Variants in SPOCK1 observed in about 807,000 individuals in gnomAD.
The protein encoded by SPOCK1 is SPARC (osteonectin), cwcv and kazal like domains proteoglycan 1, also known as testican-1.
A neutral mutation model predicts 55.3 loss-of-function variants in SPOCK1; 23 were observed. The ratio of observed to expected loss-of-function variants is 0.42; its 90% CI spans 0.30 to 0.59. The LOEUF (loss-of-function observed/expected upper bound fraction) is 0.59. Ranked by LOEUF, SPOCK1 falls within the 20% of genes least tolerant of loss-of-function variation. The pLI is 0.22. For synonymous variants in SPOCK1, 226 were observed against 221.0 expected (o/e 1.02, Z -0.20); for missense variants, 499 against 552.5 (o/e 0.90, Z 0.97).
chr5:137,258,736 G>A (rs1169594718), intron 3 of SPOCK1, among the ~76,000 whole-genome samples: 7 of 152,258 alleles, frequency 4.6e-5, no homozygotes, highest in East Asian at 3.9e-4. Flanking sequence ...TAATAAACAT[G>A]TCTTTAAAAT....
At chr5:137,426,693 T>C (rs1752618932) in intron 2 of SPOCK1, among the ~76,000 whole-genome samples, 1 of 152,174 alleles carries the variant, frequency 6.6e-6, no homozygotes, top group Non-Finnish European at 1.5e-5. Context: ...CTAAACATGA[T>C]GTAAGAACTC....
chr5:137,337,900 C>T (rs1051116451), intron 2 of SPOCK1, among the ~76,000 whole-genome samples: 2 of 152,152 alleles, frequency 1.3e-5, no homozygotes, highest in African/African-American at 2.4e-5. Flanking sequence ...GGCCACTAGA[C>T]CTGAATGAGT....
chr5:137,268,233 G>C (rs999399999), intron 2 of SPOCK1, among the ~76,000 whole-genome samples: 1 of 152,162 alleles, frequency 6.6e-6, no homozygotes, highest in Admixed American at 6.5e-5. Context: ...ACTAGCTTTA[G>C]AGTAAAATCA....
intron 3 of SPOCK1, among the ~76,000 whole-genome samples, chr5:137,150,081 A>G (rs1390594208): frequency 1.3e-5 from 2 of 152,186 alleles, no homozygotes; most frequent in Non-Finnish European, 2.9e-5. Context: ...ATGTCCACCA[A>G]GGGCAAGGGA....
intron 2 of SPOCK1, among the ~76,000 whole-genome samples, chr5:137,271,550 G>C (rs1351207553): frequency 8.4e-6 from 1 of 118,800 alleles, no homozygotes; most frequent in Non-Finnish European, 1.8e-5. Flanking sequence ...GGGTGATTAA[G>C]TCTCTTCATC....
chr5:137,456,302 A>T (rs1274874004), intron 2 of SPOCK1, among the ~76,000 whole-genome samples: 1 of 152,132 alleles, frequency 6.6e-6, no homozygotes, highest in Non-Finnish European at 1.5e-5. Context: ...GAGAAACAGG[A>T]TTCTGTATTA....
intron 8 of SPOCK1, among the ~76,000 whole-genome samples, chr5:136,986,774 A>G (rs1388560330): frequency 1.3e-5 from 2 of 152,170 alleles, no homozygotes; most frequent in African/African-American, 4.8e-5. Context: ...CAAAATTTCA[A>G]AATTAACACC....
At position 137,498,454 on chromosome 5, in the gene SPOCK1, G is replaced by T. The variant is rs1247765993; in HGVS notation, c.105C>A (p.His35Gln). 1.9e-6 allele frequency: 3 copies of T among 1,610,720 alleles called. No homozygotes were observed. Among genetic ancestry groups the T allele is most frequent in the Non-Finnish European group, 2.5e-6 (3 of 1,179,152 alleles). Residue 35 changes from histidine to glutamine, a missense_variant, in exon 2 of 11, where the codon CAC becomes CAA. His to Gln is a conservative substitution (Grantham distance 24). Coordinates refer to ENST00000394945, the MANE Select transcript of SPOCK1 (RefSeq NM_004598.4). ...DALAGGAGPN[H>Q]GNFLDNDQWL... The stretch of plus-strand genomic sequence containing the variant: ...ACTGGTCATTGTCTAGGAAATTGCC[G>T]TGGTTGGGGCCCGCGCCTCCGGCGA...
At chr5:137,050,630 C>T (rs1165473448) in intron 6 of SPOCK1, among the ~76,000 whole-genome samples, 11 of 151,534 alleles carry the variant, frequency 7.3e-5, no homozygotes, top group South Asian at 2.1e-4. Flanking sequence ...AGCTGTAGAC[C>T]GGAGCTGTTC....
chr5:137,425,407 A>G (rs1422938494), intron 2 of SPOCK1, among the ~76,000 whole-genome samples: 1 of 152,006 alleles, frequency 6.6e-6, no homozygotes. Context: ...ATCCTCCACA[A>G]CCTGCCCTCC....
chr5:137,428,494 C>T (rs1283120864), intron 2 of SPOCK1, among the ~76,000 whole-genome samples: 1 of 152,162 alleles, frequency 6.6e-6, no homozygotes. Flanking sequence ...TGCTGGACCT[C>T]ATGGAATCTA....
At chr5:137,424,033 G>C (rs1228871686) in intron 2 of SPOCK1, among the ~76,000 whole-genome samples, 1 of 151,706 alleles carries the variant, frequency 6.6e-6, no homozygotes, top group East Asian at 1.9e-4. Flanking sequence ...AGCAATATTT[G>C]TTGAAAGTCT....
At chr5:137,469,442 G>T (rs1410793001) in intron 2 of SPOCK1, among the ~76,000 whole-genome samples, 4 of 146,990 alleles carry the variant, frequency 2.7e-5, no homozygotes, top group East Asian at 4.0e-4. Context: ...TCCCAAAGTT[G>T]TTTTTTTTTT....
chr5:137,430,755 C>T (rs1415335162), intron 2 of SPOCK1, among the ~76,000 whole-genome samples: 1 of 152,144 alleles, frequency 6.6e-6, no homozygotes, highest in African/African-American at 2.4e-5. Flanking sequence ...GAAAAATAAA[C>T]CCTGGATTCC....
At chr5:137,055,402 A>G (rs1752282563) in intron 6 of SPOCK1, among the ~76,000 whole-genome samples, 1 of 152,234 alleles carries the variant, frequency 6.6e-6, no homozygotes, top group Non-Finnish European at 1.5e-5. Flanking sequence ...TTTAAGCTTT[A>G]AATTTTAAAT....
intron 6 of SPOCK1, among the ~76,000 whole-genome samples, chr5:137,039,720 C>A (rs1319072136): frequency 6.6e-6 from 1 of 152,160 alleles, no homozygotes. Context: ...CCTATAAACC[C>A]AAAGCTGTTA....
intron 4 of SPOCK1, among the ~76,000 whole-genome samples, chr5:137,117,088 A>T (rs1399086142): frequency 6.6e-6 from 1 of 152,218 alleles, no homozygotes. Context: ...TTCCAACAGG[A>T]CATGGGGCAC....
intron 6 of SPOCK1, among the ~76,000 whole-genome samples, chr5:137,056,700 G>T (rs2127000549): frequency 6.6e-6 from 1 of 152,050 alleles, no homozygotes; most frequent in African/African-American, 2.4e-5. Context: ...AGATCTACTT[G>T]GTTGACAGCC....
intron 3 of SPOCK1, among the ~76,000 whole-genome samples, chr5:137,199,504 C>T (rs867787605): frequency 6.6e-6 from 1 of 152,134 alleles, no homozygotes; most frequent in Admixed American, 6.5e-5. Flanking sequence ...CTACTGAAAC[C>T]TCATGAGCTC....
Sources: allele counts gnomAD v4.1 joint callset (sites outside exome capture counted in the v4.1 genomes callset), GRCh38; gene constraint gnomAD v4.1.1; transcripts MANE v1.5; gene names NCBI Gene and HGNC (gene_info 2026-07-23, HGNC 2026-07-21).